The following WNT9A variants were observed in gnomAD, a reference collection of about 807,000 sequenced individuals.
WNT9A encodes the protein Wnt family member 9A.
In WNT9A, 8 loss-of-function variants were observed where a neutral mutation model predicts 31.4. The observed-to-expected ratio is 0.26, with a 90% confidence interval of 0.15 to 0.46. The LOEUF is 0.46. Among genes scored for constraint, WNT9A ranks in the 20% least tolerant of loss-of-function variants. The pLI, the probability that WNT9A is intolerant of heterozygous loss-of-function variation, is 0.99. For synonymous variants in WNT9A, 236 were observed against 220.1 expected, an observed-to-expected ratio of 1.07 and a Z score of -0.64; for missense variants, 457 against 522.9, an observed-to-expected ratio of 0.87 and a Z score of 1.23.
chr1:227,943,996 A>G (rs79546955), intron 1 of WNT9A, among the ~76,000 whole-genome samples: 44 of 152,082 alleles, frequency 2.9e-4, no homozygotes, highest in African/African-American at 1.1e-3. Context: ...AACAAAACAA[A>G]AACATCACAT....
chr1:227,947,717 C>T, intron 1 of WNT9A, 76 bp downstream of exon 1: 1 of 911,822 alleles, frequency 1.1e-6, no homozygotes, highest in Non-Finnish European at 1.3e-6. Flanking sequence ...CCGGGTGCCT[C>T]GGGGACTCCG....
At position 227,921,732 on chromosome 1, in the gene WNT9A, G is replaced by A. The variant is rs1572122231; in HGVS notation, c.884C>T (p.Ser295Leu). The change falls in exon 4 of 4, where the codon TCG (serine) becomes TTG (leucine). Residue 295 changes from serine to leucine, a missense_variant. By Grantham distance (145) the Ser-to-Leu change is moderately radical. Coordinates refer to ENST00000272164, the MANE Select transcript of WNT9A (RefSeq NM_003395.4). ...RTPELVHLDD[S>L]PSFCLAGRFS... ...GCGGCCAGCCAGGCAGAAGCTAGGC[G>A]AGTCATCCAGGTGCACCAGCTCTGG... 1 of 1,612,536 alleles carries A rather than the reference G, an allele frequency of 6.2e-7. No homozygotes were observed. The highest frequency in any genetic ancestry group is 8.5e-7 in the Non-Finnish European group (1 of 1,179,796).
intron 1 of WNT9A, among the ~76,000 whole-genome samples, chr1:227,932,810 TTTC>T (rs747885132): frequency 2.6e-5 from 4 of 152,356 alleles, no homozygotes; most frequent in Middle Eastern, 3.4e-3. Flanking sequence ...GGAATCTTTT[TTTC>T]TGAGCAGTGG....
chr1:227,938,328 C>T (rs1043318078), intron 1 of WNT9A, among the ~76,000 whole-genome samples: 1 of 151,020 alleles, frequency 6.6e-6, no homozygotes, highest in Non-Finnish European at 1.5e-5. Flanking sequence ...TACATACACA[C>T]CCATACAAAC....
intron 3 of WNT9A, among the ~76,000 whole-genome samples, chr1:227,923,857 G>T (rs1373549848): frequency 1.3e-5 from 2 of 152,136 alleles, no homozygotes; most frequent in Admixed American, 1.3e-4. Context: ...CAGGGACCGT[G>T]GGGGCCCCTC....
At position 227,921,906 on chromosome 1, in the gene WNT9A, T is replaced by A; in HGVS notation, c.710A>T (p.His237Leu). 1 of 1,613,154 alleles carries A rather than the reference T, an allele frequency of 6.2e-7. No homozygotes were observed. The highest frequency in any genetic ancestry group is 8.5e-7 in the Non-Finnish European group (1 of 1,179,926). The change falls in exon 4 of 4, where the codon CAT becomes CTT. Residue 237 changes from histidine (H) to leucine (L), a missense_variant. By Grantham distance (99) the His-to-Leu change is moderately conservative (BLOSUM62 -3). Transcript: ENST00000272164. Reference protein sequence around the residue: ...RTCWRQLAPFHEVGKHLKHKY... With the variant: ...RTCWRQLAPFLEVGKHLKHKY... ...GTGCTTCAGATGCTTGCCCACCTCA[T>A]GGAAAGGCGCCAACTGCCGCCAGCA...
chr1:227,943,016 C>A (rs1343101173), intron 1 of WNT9A, among the ~76,000 whole-genome samples: 1 of 152,320 alleles, frequency 6.6e-6, no homozygotes, highest in East Asian at 1.9e-4. Flanking sequence ...GCCAGCTGTG[C>A]CCCAGGCCTG....
intron 1 of WNT9A, among the ~76,000 whole-genome samples, chr1:227,933,267 CCT>C (rs1337327701): frequency 4.6e-5 from 7 of 152,224 alleles, no homozygotes; most frequent in African/African-American, 1.7e-4. Context: ...TGTGAACCAA[CCT>C]CTGTTTGCTT....
At chr1:227,938,486 C>T (rs1050139831) in intron 1 of WNT9A, among the ~76,000 whole-genome samples, 1 of 151,864 alleles carries the variant, frequency 6.6e-6, no homozygotes, top group African/African-American at 2.4e-5. Context: ...GGAACGAACA[C>T]ACCCACACAC....
At chr1:227,944,502 T>C (rs1488020556) in intron 1 of WNT9A, among the ~76,000 whole-genome samples, 1 of 151,706 alleles carries the variant, frequency 6.6e-6, no homozygotes, top group Non-Finnish European at 1.5e-5. Context: ...ATTAAAAGAG[T>C]GGATTTTACA....
chr1:227,945,503 C>T (rs985950176), intron 1 of WNT9A, among the ~76,000 whole-genome samples: 13 of 152,318 alleles, frequency 8.5e-5, no homozygotes, highest in East Asian at 1.9e-4. Flanking sequence ...CGTGGGTCCA[C>T]GTGACCCTCC....
At chr1:227,946,857 C>T (rs1011218067) in intron 1 of WNT9A, among the ~76,000 whole-genome samples, 1 of 151,840 alleles carries the variant, frequency 6.6e-6, no homozygotes, top group Non-Finnish European at 1.5e-5. Context: ...GGCGGCGGCC[C>T]GGCTGAGGGA....
In WNT9A at chr1:227,921,585, C is replaced by A. The variant is rs552502207; in HGVS notation, c.1031G>T (p.Arg344Leu). Residue 344 changes from arginine (R) to leucine (L), a missense_variant, in exon 4 of 4, where the codon CGT becomes CTT. Coordinates refer to ENST00000272164, the MANE Select transcript of WNT9A (RefSeq NM_003395.4). ...CCTGCACTCCACATAGCAGCACCAA[C>A]GCACCTGGCACTGGCAGGGCCTTGT... ...VVTRPCQCQV[R>L]WCCYVECRQC... 1.9e-6 allele frequency: 3 copies of A among 1,613,550 alleles called. No individual in the cohort carries two copies. Among genetic ancestry groups the A allele is most frequent in the Non-Finnish European group, 8.5e-7 (1 of 1,179,998 alleles).
At chr1:227,924,999 G>C (rs1666391763) in intron 2 of WNT9A, among the ~76,000 whole-genome samples, 1 of 152,046 alleles carries the variant, frequency 6.6e-6, no homozygotes, top group South Asian at 2.1e-4. Flanking sequence ...GGCAGCCCCG[G>C]GTAGCCTGGG....
intron 1 of WNT9A, 134 bp downstream of exon 1, chr1:227,947,659 C>T (rs1666816594): frequency 2.8e-6 from 1 of 356,614 alleles, no homozygotes; most frequent in Non-Finnish European, 4.0e-6. Context: ...CGCAAACAAA[C>T]AGCGCCAGGC....
Position 227,921,340 on chromosome 1 carries a change from G to A in WNT9A, c.*178C>T, listed in dbSNP as rs982871097. 1.0e-6 allele frequency: 1 copy of A among 1,002,692 alleles called. No homozygotes were observed. Among genetic ancestry groups the A allele is most frequent in the East Asian group, 2.6e-5 (1 of 38,956 alleles). The allele number at this position is 1,002,692 out of a possible 1,614,324, so 62.1% of individuals were successfully genotyped here. On this transcript the variant is annotated 3_prime_UTR_variant, in exon 4 of 4. Coordinates refer to ENST00000272164, the MANE Select transcript of WNT9A (RefSeq NM_003395.4). ...CCCAGGGACTCACCCCACGCTGCTA[G>A]GTCTGAGCCCAGGGACTCAGCCCAT...
chr1:227,922,880 C>A (rs1666347665), intron 3 of WNT9A, among the ~76,000 whole-genome samples: 4 of 152,222 alleles, frequency 2.6e-5, no homozygotes, highest in Admixed American at 2.6e-4. Flanking sequence ...ATTAAGAAAT[C>A]CAGCCACCTC....
chr1:227,929,445 C>A (rs1405176412), intron 1 of WNT9A, among the ~76,000 whole-genome samples: 1 of 152,136 alleles, frequency 6.6e-6, no homozygotes, highest in Non-Finnish European at 1.5e-5. Flanking sequence ...GTGTCTTCCC[C>A]AAATTCATAT....
In WNT9A at chr1:227,919,851, A is replaced by AC. The variant is rs1666279636; in HGVS notation, c.*1666dup. On this transcript the variant is annotated 3_prime_UTR_variant, in exon 4 of 4. Transcript: ENST00000272164. ...TGACCACGCCAGCACACACACTCTC[A>AC]CAACACACACACACACTACACCCTC... is the stretch of plus-strand genomic sequence containing the variant. The AC allele has an allele frequency of 8.4e-6, 1 of 118,800 alleles. No individual in the cohort carries two copies. Among genetic ancestry groups the AC allele is most frequent in the Admixed American group, 8.6e-5 (1 of 11,626 alleles). 7.4% of individuals were successfully genotyped at this position (118,800 alleles called of 1,614,324 possible).
Sources: gnomAD v4.1 joint callset for allele counts (sites outside exome capture counted in the v4.1 genomes callset) on GRCh38, gnomAD v4.1.1 for gene constraint, MANE v1.5 for transcripts, NCBI Gene and HGNC (gene_info 2026-07-23, HGNC 2026-07-21) for gene names.